Variants in PARD3B observed in about 807,000 individuals in gnomAD.
PARD3B encodes par-3 family cell polarity regulator beta.
In PARD3B, 103 loss-of-function variants were observed where a neutral mutation model predicts 130.2. That is an observed-to-expected ratio of 0.79 (90% CI 0.67 to 0.93). The LOEUF (loss-of-function observed/expected upper bound fraction) is 0.93. Among genes scored for constraint, PARD3B ranks in the 40% least tolerant of loss-of-function variants. The probability of loss-of-function intolerance (pLI) is 0.00; values close to 1 mark genes in which losing one functional copy is unlikely to be tolerated. For missense variants in PARD3B, 1,609 were observed against 1,499.2 expected, an observed-to-expected ratio of 1.07 and a Z score of -1.21; for synonymous variants, 583 against 553.2, an observed-to-expected ratio of 1.05 and a Z score of -0.76.
chr2:205,442,064 C>T (rs1173623910), intron 20 of PARD3B, among the ~76,000 whole-genome samples: 1 of 152,090 alleles, frequency 6.6e-6, no homozygotes, highest in Non-Finnish European at 1.5e-5. Flanking sequence ...CATAGTCAAT[C>T]TTACCTTCCC....
At chr2:205,067,853 A>G (rs1215195390) in intron 4 of PARD3B, among the ~76,000 whole-genome samples, 1 of 152,124 alleles carries the variant, frequency 6.6e-6, no homozygotes, top group African/African-American at 2.4e-5. Context: ...TTCTATGGCC[A>G]TTTATCAAAC....
At chr2:204,659,373 AC>A (rs2035729628) in intron 1 of PARD3B, among the ~76,000 whole-genome samples, 2 of 152,138 alleles carry the variant, frequency 1.3e-5, no homozygotes, top group Non-Finnish European at 2.9e-5. Context: ...CTTGTGTGAC[AC>A]AGCTAGATAG....
At chr2:205,350,196 G>C (rs1455206284) in intron 18 of PARD3B, among the ~76,000 whole-genome samples, 1 of 152,176 alleles carries the variant, frequency 6.6e-6, no homozygotes, top group African/African-American at 2.4e-5. Flanking sequence ...ACATTATTCT[G>C]TGTGTGGAGA....
intron 1 of PARD3B, among the ~76,000 whole-genome samples, chr2:204,562,183 G>A (rs145141674): frequency 1.3e-5 from 2 of 152,202 alleles, no homozygotes; most frequent in East Asian, 1.9e-4. Context: ...CACTGAAAAA[G>A]TAGTTGGGGT....
chr2:205,108,215 C>T (rs919888197), intron 5 of PARD3B, among the ~76,000 whole-genome samples: 2 of 152,172 alleles, frequency 1.3e-5, no homozygotes, highest in East Asian at 1.9e-4. Flanking sequence ...TTAGTAATTC[C>T]TGCCTCAAGT....
chr2:205,266,284 A>T (rs2040502508), intron 16 of PARD3B, among the ~76,000 whole-genome samples: 1 of 152,178 alleles, frequency 6.6e-6, no homozygotes. Flanking sequence ...ATTTAGAACA[A>T]GAAGTAAAGT....
intron 22 of PARD3B, among the ~76,000 whole-genome samples, chr2:205,611,751 T>C (rs2055238573): frequency 6.6e-6 from 1 of 152,240 alleles, no homozygotes; most frequent in Non-Finnish European, 1.5e-5. Flanking sequence ...TGGGCTTGTT[T>C]CTCTTTCCTT....
rs1159252490 is a variant in PARD3B at position 205,271,714 on chromosome 2, T to C, written c.2185+25892T>C. ...TCCTTCAGGGGCCCCCAAATGTGGA[T>C]TGGGAATCCAGGTTGGAAACCACTA... On this transcript the variant is annotated intron_variant, in intron 16 of 22. Coordinates refer to ENST00000406610, the MANE Select transcript of PARD3B (RefSeq NM_001302769.2). 2.0e-5 allele frequency among the ~76,000 whole-genome samples: 3 copies of C among 152,316 alleles called. No individual in the cohort carries two copies. In the East Asian group the frequency reaches 5.8e-4, roughly 29 times the overall value.
chr2:205,461,657 C>G lies in PARD3B; in HGVS notation c.3044+20985C>G, dbSNP rs1356706366. On this transcript the variant is annotated intron_variant, in intron 20 of 22. Coordinates refer to ENST00000406610, the MANE Select transcript of PARD3B (RefSeq NM_001302769.2). The surrounding 1 kb of genome is among the most constrained non-coding windows in gnomAD (Gnocchi z 4.3). Reference sequence around the variant, plus strand: ...TTTAGTGGTCCTAGATAATTGTTCTCAAATTTGAGCACGCATCAGAATCAC... The same window carrying G: ...TTTAGTGGTCCTAGATAATTGTTCTGAAATTTGAGCACGCATCAGAATCAC... Among the ~76,000 whole-genome samples, 1 of 152,148 alleles carries G rather than the reference C, an allele frequency of 6.6e-6. No individual in the cohort carries two copies. The highest frequency in any genetic ancestry group is 1.5e-5 in the Non-Finnish European group (1 of 68,032).
In PARD3B at chr2:205,011,237, G is replaced by A. The variant is rs1243333344; in HGVS notation, c.395-36344G>A. On this transcript the variant is annotated intron_variant, in intron 3 of 22. Transcript: ENST00000406610. This position sits in a 1 kb window ranked among gnomAD's most constrained non-coding sequence, Gnocchi z 4.1. ...CATACAGATGATTACTGTCAGGAATGCAGGCATGGCTTAGCTTGGTGATTC... is the reference window on the plus strand; with the variant it reads ...CATACAGATGATTACTGTCAGGAATACAGGCATGGCTTAGCTTGGTGATTC... Among the ~76,000 whole-genome samples, 1 of 152,206 alleles carries A rather than the reference G, an allele frequency of 6.6e-6. No individual in the cohort carries two copies. Among genetic ancestry groups the A allele is most frequent in the Non-Finnish European group, 1.5e-5 (1 of 68,040 alleles).
At chr2:204,717,183 G>A (rs1159581984) in intron 2 of PARD3B, among the ~76,000 whole-genome samples, 3 of 152,134 alleles carry the variant, frequency 2.0e-5, no homozygotes, top group African/African-American at 4.8e-5. Context: ...GTACCTTTGT[G>A]TAAAACCCAA....
At chr2:205,029,734 C>G (rs1228714680) in intron 3 of PARD3B, among the ~76,000 whole-genome samples, 3 of 152,238 alleles carry the variant, frequency 2.0e-5, no homozygotes, top group South Asian at 2.1e-4. Flanking sequence ...GGATTTAACA[C>G]AGTTTCTAGC....
chr2:204,903,708 A>G (rs1275549045), intron 2 of PARD3B, among the ~76,000 whole-genome samples: 4 of 152,202 alleles, frequency 2.6e-5, no homozygotes, highest in African/African-American at 4.8e-5. Context: ...CTTCCTCTCT[A>G]CCTTTTCATT....
chr2:204,692,373 C>T (rs1013529208), intron 2 of PARD3B, among the ~76,000 whole-genome samples: 1 of 151,948 alleles, frequency 6.6e-6, no homozygotes, highest in Non-Finnish European at 1.5e-5. Flanking sequence ...TCCCGCCTAC[C>T]TGTTTGCTGG....
intron 18 of PARD3B, among the ~76,000 whole-genome samples, chr2:205,308,000 C>G (rs1040206232): frequency 1.3e-5 from 2 of 152,118 alleles, no homozygotes; most frequent in Admixed American, 1.3e-4. Flanking sequence ...AATGAAGAAC[C>G]AAGTACAAAC....
At chr2:204,929,573 A>C (rs1687876499) in intron 2 of PARD3B, among the ~76,000 whole-genome samples, 1 of 152,094 alleles carries the variant, frequency 6.6e-6, no homozygotes, top group Admixed American at 6.6e-5. Flanking sequence ...CAGCAACTGT[A>C]AGGCTGGGCA....
At chr2:205,285,995 C>G (rs1458900730) in intron 16 of PARD3B, among the ~76,000 whole-genome samples, 3 of 152,108 alleles carry the variant, frequency 2.0e-5, no homozygotes, top group Admixed American at 1.3e-4. Flanking sequence ...TTTGTACATA[C>G]ATAATTTCAT....
chr2:204,798,431 G>T (rs1340150838), intron 2 of PARD3B, among the ~76,000 whole-genome samples: 1 of 152,164 alleles, frequency 6.6e-6, no homozygotes, highest in Non-Finnish European at 1.5e-5. Flanking sequence ...GCACTCCGGG[G>T]TTCTAAATAA....
At chr2:204,843,801 C>T (rs1394860033) in intron 2 of PARD3B, among the ~76,000 whole-genome samples, 5 of 152,120 alleles carry the variant, frequency 3.3e-5, no homozygotes, top group Non-Finnish European at 5.9e-5. Context: ...TACTTTTGTA[C>T]TTGTTCTCAA....
Sources: gnomAD v4.1 joint callset for allele counts (sites outside exome capture counted in the v4.1 genomes callset) on GRCh38, gnomAD v4.1.1 for gene constraint, Gnocchi (gnomAD v3.1) non-coding constraint, MANE v1.5 for transcripts, NCBI Gene and HGNC (gene_info 2026-07-23, HGNC 2026-07-21) for gene names.